The following NAV1 variants were observed in gnomAD, a reference collection of about 807,000 sequenced individuals.
NAV1 encodes the protein pore membrane and/or filament interacting like protein 3.
Under a neutral mutation model 175.2 loss-of-function variants are expected in NAV1, and 18 were observed. That is an observed-to-expected ratio of 0.10 (90% CI 0.07 to 0.15). The LOEUF (loss-of-function observed/expected upper bound fraction) is 0.15, where lower values mean the gene tolerates loss of function less well. Ranked by LOEUF, NAV1 falls within the 10% of genes least tolerant of loss-of-function variation. NAV1 has a pLI of 1.00. For synonymous variants in NAV1, 897 were observed against 978.7 expected, an observed-to-expected ratio of 0.92 and a Z score of 1.56; for missense variants, 1,731 against 2,436.6, an observed-to-expected ratio of 0.71 and a Z score of 6.10.
At chr1:201,597,937 G>GCC (rs1320754329) in intron 2 of NAV1, among the ~76,000 whole-genome samples, 1 of 152,214 alleles carries the variant, frequency 6.6e-6, no homozygotes, top group Non-Finnish European at 1.5e-5. Flanking sequence ...ACCCACCTTG[G>GCC]CCAGGGAGCA....
intron 29 of NAV1, among the ~76,000 whole-genome samples, chr1:201,818,461 G>C (rs1305837588): frequency 2.0e-5 from 3 of 151,546 alleles, no homozygotes; most frequent in Middle Eastern, 6.9e-3. Flanking sequence ...CCGGGAGGTG[G>C]AGCTTGCAGT....
At chr1:201,571,106 C>T (rs1244948357) in intron 1 of NAV1, among the ~76,000 whole-genome samples, 1 of 152,224 alleles carries the variant, frequency 6.6e-6, no homozygotes, top group Non-Finnish European at 1.5e-5. Context: ...GCAGAGTAGT[C>T]AGCATCCACT....
chr1:201,803,397 T>C (rs1678064094), intron 15 of NAV1, among the ~76,000 whole-genome samples, 196 bp from the exon 20 acceptor site: 1 of 152,234 alleles, frequency 6.6e-6, no homozygotes. Context: ...AATTCTTACC[T>C]TTTGCACTTT....
At chr1:201,617,198 A>ATC (rs1191440624) in intron 2 of NAV1, among the ~76,000 whole-genome samples, 5 of 118,962 alleles carry the variant, frequency 4.2e-5, no homozygotes, top group African/African-American at 1.1e-4. Flanking sequence ...AGATTCCCCA[A>ATC]TCTCTCTGTC....
intron 3 of NAV1, among the ~76,000 whole-genome samples, chr1:201,732,458 C>T (rs1263108946): frequency 6.6e-6 from 1 of 152,014 alleles, no homozygotes; most frequent in East Asian, 1.9e-4. Flanking sequence ...GGATTACAGG[C>T]ATGAGTCACC....
At chr1:201,644,451 C>A (rs750131446), upstream of NAV1, among the ~76,000 whole-genome samples, 3 of 152,022 alleles carry the variant, frequency 2.0e-5, no homozygotes, top group South Asian at 2.1e-4. Flanking sequence ...TGAAAAGAAT[C>A]AAAAAAGAGC....
rs539514762 is a variant in NAV1 at position 201,654,416 on chromosome 1, C to T, written c.757+4991C>T. On this transcript the variant is annotated intron_variant, in intron 1 of 29. Coordinates refer to ENST00000367296, the Ensembl canonical transcript of NAV1. ...CCTACCTCCCACCCCCTACCACCCA[C>T]CCCCATCACAAGCTGCCAACACCAG... 1.0e-4 allele frequency among the ~76,000 whole-genome samples: 15 copies of T among 148,766 alleles called. No homozygotes were observed. In the East Asian group the frequency reaches 2.6e-3, roughly 26 times the overall value.
At chr1:201,776,973 C>T (rs1323961247) in intron 3 of NAV1, among the ~76,000 whole-genome samples, 1 of 151,896 alleles carries the variant, frequency 6.6e-6, no homozygotes, top group Non-Finnish European at 1.5e-5. Context: ...CATACAAGGA[C>T]AAAGAATCAG....
chr1:201,762,981 A>G (rs139825978), intron 3 of NAV1, among the ~76,000 whole-genome samples: 34 of 152,302 alleles, frequency 2.2e-4, no homozygotes, highest in African/African-American at 7.7e-4. Flanking sequence ...GGGTTTTAGA[A>G]AGAGAAAAAA....
intron 29 of NAV1, among the ~76,000 whole-genome samples, chr1:201,819,348 A>G (rs2820294): frequency 0.99 from 150,504 of 152,294 alleles, 74,378 homozygotes; most frequent in East Asian, 1. Flanking sequence ...GTACATACAC[A>G]TGTGTCACAG....
chr1:201,756,317 G>A (rs12073345), intron 3 of NAV1, among the ~76,000 whole-genome samples: 1,940 of 152,194 alleles, frequency 0.013, 46 homozygotes, highest in African/African-American at 0.043. Context: ...TAGATTTTCT[G>A]TAGTCTGTAG....
At chr1:201,765,489 A>G (rs144892932) in intron 3 of NAV1, among the ~76,000 whole-genome samples, 86 of 148,582 alleles carry the variant, frequency 5.8e-4, no homozygotes, top group Non-Finnish European at 1.0e-3. Flanking sequence ...CTGCCTCCCA[A>G]TCTCAAGCAA....
In NAV1 at chr1:201,615,727, G is replaced by T. The variant is rs116079676; in HGVS notation, c.-32-7126G>T. On this transcript the variant is annotated intron_variant, in intron 2 of 33. Coordinates refer to the NAV1 transcript ENST00000685211. Reference sequence around the variant, plus strand: ...TTCTAAAGCCACATAGCAGGAAGTAGCAGAGCTAGGATTTGAACCCAGATC... The same window carrying T: ...TTCTAAAGCCACATAGCAGGAAGTATCAGAGCTAGGATTTGAACCCAGATC... 2.5e-3 allele frequency among the ~76,000 whole-genome samples: 379 copies of T among 152,340 alleles called. 2 individuals are homozygous for T. The highest frequency in any genetic ancestry group is 8.7e-3 in the African/African-American group (362 of 41,574).
intron 1 of NAV1, among the ~76,000 whole-genome samples, chr1:201,580,500 T>C (rs1666818789): frequency 6.6e-6 from 1 of 151,878 alleles, no homozygotes; most frequent in South Asian, 2.1e-4. Flanking sequence ...CAGCCAGGAG[T>C]GATGGCTCAT....
chr1:201,726,157 T>C (rs1672597953), intron 3 of NAV1, among the ~76,000 whole-genome samples: 1 of 152,126 alleles, frequency 6.6e-6, no homozygotes, highest in South Asian at 2.1e-4. Context: ...GAAGAAGCAC[T>C]GGGCTAATTC....
chr1:201,699,781 A>G (rs1671339383), intron 1 of NAV1, among the ~76,000 whole-genome samples: 1 of 152,188 alleles, frequency 6.6e-6, no homozygotes, highest in Non-Finnish European at 1.5e-5. Context: ...CTCAAAAATA[A>G]CACCACACAT....
In NAV1 at chr1:201,688,481, G is replaced by A. The variant is rs1670769998; in HGVS notation, c.758-24336G>A. On this transcript the variant is annotated intron_variant, in intron 1 of 29. Transcript: ENST00000367296. Reference sequence around the variant, plus strand: ...AATGATAATATTTCTCTGAATAAAGGTTTTACACACAAAATATGGGCACCA... The same window carrying A: ...AATGATAATATTTCTCTGAATAAAGATTTTACACACAAAATATGGGCACCA... 1.3e-5 allele frequency: 2 copies of A among 152,160 alleles called. 1 individual carries two copies. The highest frequency in any genetic ancestry group is 6.3e-3 in the Middle Eastern group (2 of 316). The allele number at this position is 152,160 out of a possible 1,614,324, so 9.4% of individuals were successfully genotyped here.
At position 201,812,654 on chromosome 1, in the gene NAV1, C is replaced by T; in HGVS notation, c.5214C>T (p.Phe1738=). The T allele has an allele frequency of 1.2e-6, 2 of 1,613,332 alleles. No individual in the cohort carries two copies. Among genetic ancestry groups the T allele is most frequent in the South Asian group, 2.2e-5 (2 of 91,034 alleles). The change falls in exon 27 of 30, where the codon TTC becomes TTT. Residue 1738 remains phenylalanine (F), a synonymous_variant. Coordinates refer to ENST00000367296, the Ensembl canonical transcript of NAV1. This position sits in a 1 kb window ranked among gnomAD's most constrained non-coding sequence, Gnocchi z 4.6. ...TTGAGAAGCACAGCACCTCAGACTT[C>T]CTCATCGGTACTGGGGTCCAGCTTC...
At chr1:201,699,268 A>C (rs549414617) in intron 1 of NAV1, among the ~76,000 whole-genome samples, 2,796 of 152,280 alleles carry the variant, frequency 0.018, 75 homozygotes, top group African/African-American at 0.064. Context: ...CAATGTGCAA[A>C]AATCACAAGC....
Sources: gnomAD v4.1 joint callset for allele counts (sites outside exome capture counted in the v4.1 genomes callset) on GRCh38, gnomAD v4.1.1 for gene constraint, Gnocchi (gnomAD v3.1) non-coding constraint, MANE v1.5 for transcripts, NCBI Gene and HGNC (gene_info 2026-07-23, HGNC 2026-07-21) for gene names.